The following CENPI variants were observed in gnomAD, a reference collection of about 807,000 sequenced individuals.
CENPI encodes the protein FSH primary response 1.
CENPI carries 4 observed loss-of-function variants against 60.4 expected under a neutral mutation model. The observed-to-expected ratio is 0.07, with a 90% CI of 0.03 to 0.15. The LOEUF (loss-of-function observed/expected upper bound fraction) is 0.15, where lower values mean the gene tolerates loss of function less well. Ranked by LOEUF, CENPI falls within the 10% of genes least tolerant of loss-of-function variation. The pLI is 1.00. For missense variants in CENPI, 444 were observed against 534.5 expected (o/e 0.83, Z 1.67); for synonymous variants, 157 against 189.4 (o/e 0.83, Z 1.40).
chrX:101,179,695 A>G, the CENPI span, among the ~76,000 whole-genome samples: 1 of 110,645 alleles, frequency 9.0e-6, no homozygotes, highest in African/African-American at 3.3e-5. Context: ...AATTTTTTGT[A>G]TTTTTTAGTA....
the CENPI span, among the ~76,000 whole-genome samples, chrX:101,174,581 C>T: frequency 3.6e-5 from 4 of 110,743 alleles, no homozygotes; most frequent in African/African-American, 6.6e-5. Context: ...CCAAATACCA[C>T]GTGTTCGCCC....
intron 20 of CENPI, 42 bp downstream of exon 20, chrX:101,148,203 C>A: frequency 9.8e-7 from 1 of 1,021,270 alleles, no homozygotes; most frequent in Non-Finnish European, 1.4e-6. Flanking sequence ...TATCTTAATA[C>A]TGTGGTGGCA....
chrX:101,128,585 C>T, intron 11 of CENPI, 131 bp from the exon 12 acceptor site: 1 of 563,708 alleles, frequency 1.8e-6, no homozygotes, highest in Non-Finnish European at 2.8e-6. Flanking sequence ...CTGCCTCAGC[C>T]TCCCAAAGTG....
In CENPI at chrX:101,147,882, G is replaced by T; in HGVS notation, c.1876-61G>T. 4 of 1,154,913 alleles carry T rather than the reference G, an allele frequency of 3.5e-6. No homozygotes were observed. The South Asian group carries it at 7.2e-5, about 21-fold the overall frequency. On this transcript the variant is annotated intron_variant, in intron 19 of 21. Transcript: ENST00000682095. ...TAAGTCTAGATATATATGACCTGAT[G>T]GGAGTAAGAAGGAAAGGGAGAATAG... is the stretch of plus-strand genomic sequence containing the variant.
intron 21 of CENPI, 128 bp from the exon 22 acceptor site, chrX:101,162,705 T>C (rs1252792686): frequency 7.4e-6 from 5 of 675,980 alleles, no homozygotes; most frequent in Non-Finnish European, 1.1e-5. Flanking sequence ...TGAGCTCATT[T>C]CCCCCCCGAA....
At chrX:101,112,445 G>C (rs1205193452) in intron 6 of CENPI, among the ~76,000 whole-genome samples, 1 of 112,187 alleles carries the variant, frequency 8.9e-6, no homozygotes, top group Non-Finnish European at 1.9e-5. Flanking sequence ...TAATGGAACA[G>C]AGTACAGAGC....
the CENPI span, among the ~76,000 whole-genome samples, chrX:101,174,666 G>T: frequency 9.0e-6 from 1 of 110,536 alleles, no homozygotes; most frequent in Admixed American, 9.7e-5. Flanking sequence ...ACTACTAGAG[G>T]GGGGAGGGAG....
the CENPI span, among the ~76,000 whole-genome samples, chrX:101,171,627 C>G: frequency 9.0e-6 from 1 of 110,737 alleles, no homozygotes; most frequent in Non-Finnish European, 1.9e-5. Context: ...GAAACTGAGT[C>G]TGTGGCTCAG....
intron 20 of CENPI, among the ~76,000 whole-genome samples, chrX:101,157,011 A>G (rs1055432816): frequency 9.0e-6 from 1 of 111,423 alleles, no homozygotes; most frequent in Non-Finnish European, 1.9e-5. Flanking sequence ...TCCTCTGGGT[A>G]GATATCCAGT....
At chrX:101,162,455 CAAAAA>C (rs1190768253) in intron 21 of CENPI, among the ~76,000 whole-genome samples, 1 of 53,968 alleles carries the variant, frequency 1.9e-5, no homozygotes, top group Non-Finnish European at 3.1e-5. Flanking sequence ...AACCGTATCT[CAAAAA>C]AAAAAAAAAA....
chrX:101,159,585 A>G (rs1419739819), intron 20 of CENPI, among the ~76,000 whole-genome samples: 1 of 110,615 alleles, frequency 9.0e-6, no homozygotes, highest in Non-Finnish European at 1.9e-5. Flanking sequence ...CAGCCTCCCA[A>G]GTAGCTGGAA....
chrX:101,172,202 G>A, the CENPI span, among the ~76,000 whole-genome samples: 1 of 111,748 alleles, frequency 8.9e-6, no homozygotes, highest in Admixed American at 9.5e-5. Flanking sequence ...ATGTATTGCT[G>A]GTTGGAACAT....
At chrX:101,152,806 A>G (rs1368942414) in intron 20 of CENPI, among the ~76,000 whole-genome samples, 1 of 111,162 alleles carries the variant, frequency 9.0e-6, no homozygotes, top group Non-Finnish European at 1.9e-5. Flanking sequence ...ATATATATAT[A>G]TGACACATTT....
At chrX:101,167,595 G>C (rs1168830913), downstream of CENPI, among the ~76,000 whole-genome samples, 1 of 111,848 alleles carries the variant, frequency 8.9e-6, no homozygotes, top group Non-Finnish European at 1.9e-5. Context: ...AAATTGGAAT[G>C]TGGGGGACCT....
At chrX:101,123,767 T>C (rs775614649) in intron 8 of CENPI, among the ~76,000 whole-genome samples, 81 of 109,421 alleles carry the variant, frequency 7.4e-4, no homozygotes, top group African/African-American at 2.3e-3. Context: ...TTTAAATTTT[T>C]TGTAGAGACA....
the CENPI span, among the ~76,000 whole-genome samples, chrX:101,181,122 ATT>A: frequency 3.0e-3 from 311 of 104,259 alleles, no homozygotes; most frequent in East Asian, 0.032. Context: ...GTACGGAGCT[ATT>A]TTTTTTTTTT....
At chrX:101,131,177 T>A (rs769116681) in intron 13 of CENPI, among the ~76,000 whole-genome samples, 2 of 102,747 alleles carry the variant, frequency 1.9e-5, no homozygotes, top group Non-Finnish European at 4.0e-5. Flanking sequence ...GTGTGTTTGT[T>A]TTTTGTATTT....
At chrX:101,152,001 C>T (rs991620616) in intron 20 of CENPI, among the ~76,000 whole-genome samples, 1 of 111,011 alleles carries the variant, frequency 9.0e-6, no homozygotes, top group Non-Finnish European at 1.9e-5. Flanking sequence ...TCCCCAGGGC[C>T]TCCCACCTCC....
chrX:101,119,377 T>C (rs1485022874), intron 6 of CENPI, among the ~76,000 whole-genome samples: 1 of 111,801 alleles, frequency 8.9e-6, no homozygotes, highest in Non-Finnish European at 1.9e-5. Context: ...TCTCTAGTAC[T>C]ATTAAATATT....
Sources: allele counts gnomAD v4.1 joint callset (sites outside exome capture counted in the v4.1 genomes callset), GRCh38; gene constraint gnomAD v4.1.1; transcripts MANE v1.5; gene names NCBI Gene and HGNC (gene_info 2026-07-23, HGNC 2026-07-21).